Variants in PPM1H observed in about 807,000 individuals in gnomAD.
PPM1H encodes protein phosphatase, Mg2+/Mn2+ dependent 1H.
In PPM1H, 27 loss-of-function variants were observed where a neutral mutation model predicts 54.9. The observed-to-expected ratio is 0.49, with a 90% CI of 0.36 to 0.68. PPM1H has a LOEUF of 0.68. Among genes scored for constraint, PPM1H ranks in the 30% least tolerant of loss-of-function variants. The pLI is 0.00. For missense variants in PPM1H, 596 were observed against 667.8 expected (o/e 0.89, Z 1.19); for synonymous variants, 305 against 270.8 (o/e 1.13, Z -1.24).
At chr12:62,689,299 G>C (rs1447871583) in intron 8 of PPM1H, among the ~76,000 whole-genome samples, 6 of 152,242 alleles carry the variant, frequency 3.9e-5, no homozygotes, top group Non-Finnish European at 5.9e-5. Flanking sequence ...GGAGAACAAA[G>C]ATCAGAGAAG....
chr12:62,775,591 A>T (rs1179963329), intron 4 of PPM1H, among the ~76,000 whole-genome samples: 1 of 152,010 alleles, frequency 6.6e-6, no homozygotes, highest in Non-Finnish European at 1.5e-5. Context: ...AGGCTTTAAA[A>T]ATGAATATTA....
intron 1 of PPM1H, among the ~76,000 whole-genome samples, chr12:62,863,243 G>C (rs1565813080): frequency 6.6e-6 from 1 of 151,864 alleles, no homozygotes; most frequent in Non-Finnish European, 1.5e-5. Flanking sequence ...TGCCAAGACT[G>C]GTCTCAAACT....
intron 8 of PPM1H, among the ~76,000 whole-genome samples, chr12:62,679,372 G>A (rs2076006207): frequency 6.6e-6 from 1 of 152,148 alleles, no homozygotes; most frequent in Non-Finnish European, 1.5e-5. Context: ...CCAAGGGTGT[G>A]CCATGCTAAT....
At chr12:62,791,559 A>G (rs1025044166) in intron 3 of PPM1H, among the ~76,000 whole-genome samples, 3 of 152,196 alleles carry the variant, frequency 2.0e-5, no homozygotes, top group African/African-American at 7.2e-5. Context: ...TACAGAGACT[A>G]TTTTTTCACT....
intron 1 of PPM1H, among the ~76,000 whole-genome samples, chr12:62,928,143 G>C (rs1326111895): frequency 1.3e-5 from 2 of 152,134 alleles, no homozygotes; most frequent in African/African-American, 2.4e-5. Context: ...CTCAACAAAT[G>C]ACTATTGCAT....
intron 2 of PPM1H, among the ~76,000 whole-genome samples, chr12:62,813,970 T>G (rs979688652): frequency 3.9e-5 from 6 of 152,244 alleles, no homozygotes; most frequent in African/African-American, 1.4e-4. Context: ...TTAAAACATT[T>G]AAAAATTTTA....
At chr12:62,799,360 A>C (rs192131288) in intron 3 of PPM1H, among the ~76,000 whole-genome samples, 181 of 152,320 alleles carry the variant, frequency 1.2e-3, no homozygotes, top group African/African-American at 4.1e-3. Flanking sequence ...TCCAGGTAAA[A>C]GATGTCCTGT....
intron 4 of PPM1H, among the ~76,000 whole-genome samples, chr12:62,782,019 GT>G (rs898448982): frequency 6.6e-6 from 1 of 151,858 alleles, no homozygotes; most frequent in African/African-American, 2.4e-5. Flanking sequence ...TGTTGATTTT[GT>G]TTTTTTTCTG....
At position 62,934,503 on chromosome 12, in the gene PPM1H, A is replaced by G; in HGVS notation, c.234T>C (p.Thr78=). 6.5e-7 allele frequency: 1 copy of G among 1,546,528 alleles called. No individual in the cohort carries two copies. Among genetic ancestry groups the G allele is most frequent in the Non-Finnish European group, 8.7e-7 (1 of 1,146,364 alleles). The change falls in exon 1 of 10, where the codon ACT becomes ACC. Residue 78 remains threonine, a synonymous_variant. Transcript: ENST00000228705. The surrounding 1 kb of genome is among the most constrained non-coding windows in gnomAD (Gnocchi z 4.2). ...GTCGCTGCACTCACTCTGCGTAGCCAGTGGCCCAGGGCAGCCGCCGAGTCT... is the reference window on the plus strand; with the variant it reads ...GTCGCTGCACTCACTCTGCGTAGCCGGTGGCCCAGGGCAGCCGCCGAGTCT... ...LKETRRLPWA[T]GYAEVINAGK...
intron 6 of PPM1H, among the ~76,000 whole-genome samples, chr12:62,706,974 A>G (rs1214688753): frequency 6.6e-6 from 1 of 152,248 alleles, no homozygotes; most frequent in Non-Finnish European, 1.5e-5. Flanking sequence ...CTATAGAATT[A>G]GATTTAACCT....
intron 6 of PPM1H, among the ~76,000 whole-genome samples, chr12:62,706,237 C>T (rs1291778446): frequency 6.6e-6 from 1 of 152,212 alleles, no homozygotes; most frequent in African/African-American, 2.4e-5. Flanking sequence ...CTACCTCACT[C>T]CCAAAATTTT....
chr12:62,868,679 A>T (rs143391658), intron 1 of PPM1H, among the ~76,000 whole-genome samples: 1 of 152,348 alleles, frequency 6.6e-6, no homozygotes, highest in East Asian at 1.9e-4. Context: ...ACAGGAGAAG[A>T]TGCATAACTT....
At chr12:62,840,199 C>T (rs12314598) in intron 1 of PPM1H, 11,989 of 152,134 alleles carry the variant, frequency 0.079, 749 homozygotes, top group African/African-American at 0.17. Context: ...TTTTTGTGTC[C>T]AGTGAGGGCC....
At chr12:62,857,389 T>C (rs552310043) in intron 1 of PPM1H, among the ~76,000 whole-genome samples, 15 of 152,302 alleles carry the variant, frequency 9.8e-5, no homozygotes, top group Admixed American at 8.5e-4. Flanking sequence ...AAGGGAAGAA[T>C]GGTGGTTGTG....
At chr12:62,885,339 C>A (rs1319145972) in intron 1 of PPM1H, among the ~76,000 whole-genome samples, 2 of 152,130 alleles carry the variant, frequency 1.3e-5, no homozygotes, top group Non-Finnish European at 2.9e-5. Flanking sequence ...CTTCCTTAGG[C>A]AGTTCACAAC....
rs746381032 is a variant in PPM1H at position 62,839,874 on chromosome 12, C to CAAAAAAAAAAAAAAAAAAA, written c.246-7596_246-7595insTTTTTTTTTTTTTTTTTTT. 1.1e-3 allele frequency among the ~76,000 whole-genome samples: 90 copies of CAAAAAAAAAAAAAAAAAAA among 84,204 alleles called. 1 individual carries two copies. The highest frequency in any genetic ancestry group is 3.9e-3 in the African/African-American group (80 of 20,342). 55.2% of individuals were successfully genotyped at this position (84,204 alleles called of 152,430 possible). On this transcript the variant is annotated intron_variant, in intron 1 of 9. Transcript: ENST00000228705. ...TCAACATGGTGTGATCCTGTTTCTA[C>CAAAAAAAAAAAAAAAAAAA]AAAAAAAAAAAAAAAACACCCAGTG...
chr12:62,673,994 C>T (rs1401127100), intron 8 of PPM1H, among the ~76,000 whole-genome samples: 1 of 151,912 alleles, frequency 6.6e-6, no homozygotes, highest in Non-Finnish European at 1.5e-5. Flanking sequence ...TGGAATTACA[C>T]GTACACACCA....
intron 4 of PPM1H, among the ~76,000 whole-genome samples, chr12:62,768,278 T>TG (rs1437037568): frequency 1.3e-5 from 2 of 151,678 alleles, no homozygotes; most frequent in Non-Finnish European, 2.9e-5. Flanking sequence ...GGCAGGGAGA[T>TG]GGGGGAGCAC....
At chr12:62,887,364 T>C (rs1355253767) in intron 1 of PPM1H, among the ~76,000 whole-genome samples, 1 of 152,224 alleles carries the variant, frequency 6.6e-6, no homozygotes, top group African/African-American at 2.4e-5. Flanking sequence ...ATATCTAAGA[T>C]GTGGACCTTG....
Sources: gnomAD v4.1 joint callset for allele counts (sites outside exome capture counted in the v4.1 genomes callset) on GRCh38, gnomAD v4.1.1 for gene constraint, Gnocchi (gnomAD v3.1) non-coding constraint, MANE v1.5 for transcripts, NCBI Gene and HGNC (gene_info 2026-07-23, HGNC 2026-07-21) for gene names.